MACC1: variants seen among roughly 807,000 people sequenced by gnomAD.
MACC1 encodes the protein MET transcriptional regulator MACC1.
A neutral mutation model predicts 70.7 loss-of-function variants in MACC1; 79 were observed. The ratio of observed to expected loss-of-function variants is 1.12; its 90% CI spans 0.93 to 1.35. The LOEUF (loss-of-function observed/expected upper bound fraction) is 1.35, where lower values mean the gene tolerates loss of function less well. MACC1 is among the 40% of genes most tolerant of loss of function. MACC1 has a pLI of 0.00. For missense variants in MACC1, 1,106 were observed against 978.1 expected (o/e 1.13, Z -1.74); for synonymous variants, 361 against 347.2 (o/e 1.04, Z -0.44).
chr7:20,167,086 T>A (rs1449586624), intron 2 of MACC1, among the ~76,000 whole-genome samples: 1 of 152,174 alleles, frequency 6.6e-6, no homozygotes, highest in Non-Finnish European at 1.5e-5. Context: ...TATTATTCAT[T>A]ATTTATTTGG....
chr7:20,140,292 C>T lies in MACC1; in HGVS notation c.*654G>A, dbSNP rs1378112592. 1 of 152,146 alleles carries T rather than the reference C, an allele frequency of 6.6e-6. No individual in the cohort carries two copies. Among genetic ancestry groups the T allele is most frequent in the African/African-American group, 2.4e-5 (1 of 41,424 alleles). The allele number at this position is 152,146 out of a possible 1,614,324, so 9.4% of individuals were successfully genotyped here. On this transcript the variant is annotated 3_prime_UTR_variant, in exon 7 of 7. Transcript: ENST00000400331. ...ATGATTTTTTAAAAAGAAATAGAAA[C>T]AGGTTTTTCAAGCAGAAAACCTACT...
intron 1 of MACC1, among the ~76,000 whole-genome samples, chr7:20,214,549 G>A (rs77991833): frequency 0.014 from 2,114 of 151,988 alleles, 49 homozygotes; most frequent in African/African-American, 0.048. Context: ...TACCATAAAT[G>A]AAAAAAGCTG....
Position 20,138,143 on chromosome 7 carries a change from A to G in MACC1, c.*2803T>C, listed in dbSNP as rs1040743411. 8.8e-6 allele frequency: 1 copy of G among 113,032 alleles called. No homozygotes were observed. Among genetic ancestry groups the G allele is most frequent in the African/African-American group, 3.6e-5 (1 of 27,814 alleles). The allele number at this position is 113,032 out of a possible 1,614,324, so 7.0% of individuals were successfully genotyped here. Reference sequence around the variant, plus strand: ...ACTCCAGTCTGGGCAACAGAGCCAGACTCTGGCTCAAAAAAAAAAAAAAAA... The same window carrying G: ...ACTCCAGTCTGGGCAACAGAGCCAGGCTCTGGCTCAAAAAAAAAAAAAAAA... On this transcript the variant is annotated 3_prime_UTR_variant, in exon 7 of 7. Transcript: ENST00000400331.
intron 1 of MACC1, among the ~76,000 whole-genome samples, chr7:20,183,463 G>C (rs1219580456): frequency 6.6e-6 from 1 of 152,174 alleles, no homozygotes; most frequent in Non-Finnish European, 1.5e-5. Context: ...TCAGCAGAGG[G>C]CCAAGCTTCA....
chr7:20,174,571 T>C (rs1377960113), intron 1 of MACC1, among the ~76,000 whole-genome samples: 1 of 152,152 alleles, frequency 6.6e-6, no homozygotes, highest in Non-Finnish European at 1.5e-5. Flanking sequence ...CAGAGTTTTT[T>C]AATAAAGAAA....
intron 1 of MACC1, among the ~76,000 whole-genome samples, chr7:20,171,253 T>A (rs1485056255): frequency 4.2e-5 from 4 of 96,224 alleles, no homozygotes; most frequent in Middle Eastern, 3.9e-3. Context: ...TTATTTTATT[T>A]TCTTTTTTTT....
At chr7:20,182,650 C>G (rs1486156583) in intron 1 of MACC1, among the ~76,000 whole-genome samples, 1 of 152,138 alleles carries the variant, frequency 6.6e-6, no homozygotes, top group African/African-American at 2.4e-5. Flanking sequence ...GAAGAGTTGC[C>G]TGTCTTGCTA....
Position 20,139,542 on chromosome 7 carries a change from A to G in MACC1, c.*1404T>C, listed in dbSNP as rs1002922876. 6.6e-6 allele frequency: 1 copy of G among 152,190 alleles called. No homozygotes were observed. The highest frequency in any genetic ancestry group is 1.5e-5 in the Non-Finnish European group (1 of 68,044). The allele number at this position is 152,190 out of a possible 1,614,324, so 9.4% of individuals were successfully genotyped here. ...AAATTATCTATTACTTAGCACTACT[A>G]AAGTCAGAGTTCATGCTGGTTTTTT... On this transcript the variant is annotated 3_prime_UTR_variant, in exon 7 of 7. Coordinates refer to ENST00000400331, the MANE Select transcript of MACC1 (RefSeq NM_182762.4).
At chr7:20,153,846 G>T (rs1277898358) in intron 6 of MACC1, among the ~76,000 whole-genome samples, 1 of 152,124 alleles carries the variant, frequency 6.6e-6, no homozygotes, top group Non-Finnish European at 1.5e-5. Context: ...CTATTGTCCT[G>T]ACTTGATCCT....
intron 1 of MACC1, among the ~76,000 whole-genome samples, chr7:20,191,733 C>T (rs1782676408): frequency 6.6e-6 from 1 of 152,118 alleles, no homozygotes; most frequent in Admixed American, 6.5e-5. Flanking sequence ...CTCTCACTGG[C>T]AAGATCTAAC....
chr7:20,136,965 TATA>T lies in MACC1; in HGVS notation c.*3978_*3980del, dbSNP rs1473093260. The T allele has an allele frequency of 3.4e-5, 5 of 148,318 alleles. No homozygotes were observed. The highest frequency in any genetic ancestry group is 1.3e-4 in the Admixed American group (2 of 14,856). The allele number at this position is 148,318 out of a possible 1,614,324, so 9.2% of individuals were successfully genotyped here. On this transcript the variant is annotated 3_prime_UTR_variant, in exon 7 of 7. Coordinates refer to ENST00000400331, the MANE Select transcript of MACC1 (RefSeq NM_182762.4). ...TTATTAATTCTTAAAGATTATGAAT[TATA>T]ATATTAAATTATAATTAATTCTTAA...
Position 20,159,679 on chromosome 7 carries a change from G to T in MACC1, c.682C>A (p.Pro228Thr), listed in dbSNP as rs756872031. The T allele has an allele frequency of 6.2e-7, 1 of 1,614,176 alleles. No homozygotes were observed. The highest frequency in any genetic ancestry group is 1.1e-5 in the South Asian group (1 of 91,086). ...ACATGAACAGTGATGTCTGATTCAG[G>T]TAATTGTACTGACCCTCCTTGATGG... ...VNHQGGSVQL[P>T]ESDITVHVPQ... Residue 228 changes from proline (P) to threonine (T), a missense_variant, in exon 5 of 7, where the codon CCT becomes ACT. Coordinates refer to ENST00000400331, the MANE Select transcript of MACC1 (RefSeq NM_182762.4).
chr7:20,160,220 G>C lies in MACC1; in HGVS notation c.141C>G (p.His47Gln), dbSNP rs758403406. Residue 47 changes from histidine (H) to glutamine (Q), a missense_variant, in exon 5 of 7, where the codon CAC (histidine) becomes CAG (glutamine). Transcript: ENST00000400331. ...ITECQDPDLLHNWPDAFTLRG... is the reference protein window; with the variant it reads ...ITECQDPDLLQNWPDAFTLRG... ...GAAGGGTGAAAGCATCCGGCCAATTGTGAAGCAAGTCTGGGTCCTGGCATT... is the reference window on the plus strand; with the variant it reads ...GAAGGGTGAAAGCATCCGGCCAATTCTGAAGCAAGTCTGGGTCCTGGCATT... The C allele has an allele frequency of 6.3e-7, 1 of 1,580,936 alleles. No homozygotes were observed.
At chr7:20,208,833 C>T (rs766387829) in intron 1 of MACC1, among the ~76,000 whole-genome samples, 9 of 152,314 alleles carry the variant, frequency 5.9e-5, no homozygotes, top group African/African-American at 9.6e-5. Flanking sequence ...AAAACGGTTT[C>T]GTGGGCAGGG....
At chr7:20,164,879 A>AT (rs1782189558) in intron 2 of MACC1, among the ~76,000 whole-genome samples, 1 of 128,750 alleles carries the variant, frequency 7.8e-6, no homozygotes, top group Admixed American at 8.6e-5. Flanking sequence ...TCAACTTAGT[A>AT]AACTACCTAA....
chr7:20,215,671 A>C (rs916971194), intron 1 of MACC1, among the ~76,000 whole-genome samples: 1 of 152,222 alleles, frequency 6.6e-6, no homozygotes, highest in Non-Finnish European at 1.5e-5. Flanking sequence ...CTTAATAGAC[A>C]CCTAGGCATA....
At chr7:20,181,652 A>G (rs1782509374) in intron 1 of MACC1, among the ~76,000 whole-genome samples, 2 of 152,164 alleles carry the variant, frequency 1.3e-5, no homozygotes, top group African/African-American at 4.8e-5. Context: ...AGTATTTGCC[A>G]TAAACCTTTC....
chr7:20,201,994 C>T (rs1782840564), intron 1 of MACC1, among the ~76,000 whole-genome samples: 1 of 152,100 alleles, frequency 6.6e-6, no homozygotes, highest in Non-Finnish European at 1.5e-5. Flanking sequence ...ACTGTTTTTC[C>T]CACACACTCC....
intron 1 of MACC1, among the ~76,000 whole-genome samples, chr7:20,198,987 T>C (rs1025633927): frequency 6.6e-6 from 1 of 152,194 alleles, no homozygotes; most frequent in African/African-American, 2.4e-5. Flanking sequence ...CTTCTCAAAA[T>C]GTAAAGGTCT....
Sources: gnomAD v4.1 joint callset for allele counts (sites outside exome capture counted in the v4.1 genomes callset) on GRCh38, gnomAD v4.1.1 for gene constraint, MANE v1.5 for transcripts, NCBI Gene and HGNC (gene_info 2026-07-23, HGNC 2026-07-21) for gene names.